Variants in NYAP2 observed in about 807,000 individuals in gnomAD.
The protein encoded by NYAP2 is neuronal tyrosine-phosphorylated phosphoinositide-3-kinase adapter 2.
In NYAP2, 23 loss-of-function variants were observed where a neutral mutation model predicts 50.4. The observed-to-expected ratio is 0.46, with a 90% CI of 0.33 to 0.65. The LOEUF (loss-of-function observed/expected upper bound fraction) is 0.65. Among genes scored for constraint, NYAP2 ranks in the 30% least tolerant of loss-of-function variants. NYAP2 has a pLI of 0.02. For synonymous variants in NYAP2, 394 were observed against 365.2 expected (o/e 1.08, Z -0.90); for missense variants, 885 against 861.0 (o/e 1.03, Z -0.35).
At chr2:225,411,048 T>G (rs887973932) in intron 3 of NYAP2, among the ~76,000 whole-genome samples, 1 of 152,138 alleles carries the variant, frequency 6.6e-6, no homozygotes, top group African/African-American at 2.4e-5. Flanking sequence ...TCCCACATGA[T>G]CTGGAGACAT....
chr2:225,644,284 G>A (rs1559238729), intron 6 of NYAP2, among the ~76,000 whole-genome samples: 1 of 152,068 alleles, frequency 6.6e-6, no homozygotes, highest in African/African-American at 2.4e-5. Flanking sequence ...TTTTTGATGG[G>A]GTTGTTTGTT....
chr2:225,520,767 G>A (rs1158967278), intron 4 of NYAP2, among the ~76,000 whole-genome samples: 1 of 152,080 alleles, frequency 6.6e-6, no homozygotes, highest in South Asian at 2.1e-4. Context: ...CTCTTTTTTG[G>A]TTCCATATGA....
At chr2:225,408,974 G>C in exon 3 of NYAP2, 2 of 1,612,248 alleles carry the variant, frequency 1.2e-6, no homozygotes, top group Non-Finnish European at 1.7e-6. Flanking sequence ...GAAGGCCTAT[G>C]ATGGCTTGGT....
chr2:225,611,689 A>G (rs1368756411), intron 5 of NYAP2, among the ~76,000 whole-genome samples: 1 of 151,940 alleles, frequency 6.6e-6, no homozygotes, highest in Non-Finnish European at 1.5e-5. Flanking sequence ...GAGTTCATGT[A>G]ATTATTTTCT....
intron 4 of NYAP2, 22 bp from the exon 5 acceptor site, chr2:225,581,919 A>G: frequency 1.3e-6 from 2 of 1,579,202 alleles, no homozygotes; most frequent in Non-Finnish European, 8.6e-7. Flanking sequence ...CATCTATTCC[A>G]CTACGTTTTT....
chr2:225,509,816 T>G (rs1256626260), intron 3 of NYAP2, among the ~76,000 whole-genome samples: 1 of 152,200 alleles, frequency 6.6e-6, no homozygotes, highest in Non-Finnish European at 1.5e-5. Flanking sequence ...TCTTAAGAGA[T>G]CTCAGTTGCA....
chr2:225,638,848 T>C (rs1693475227), intron 6 of NYAP2, among the ~76,000 whole-genome samples: 1 of 152,162 alleles, frequency 6.6e-6, no homozygotes, highest in African/African-American at 2.4e-5. Context: ...GGGGACCAAG[T>C]TGGGAACAGA....
chr2:225,452,415 C>T (rs1383373632), intron 3 of NYAP2, among the ~76,000 whole-genome samples: 1 of 152,150 alleles, frequency 6.6e-6, no homozygotes, highest in Non-Finnish European at 1.5e-5. Context: ...AAGCTAAACA[C>T]CTAAGGCAGA....
chr2:225,459,991 T>G (rs1343586809), intron 3 of NYAP2, among the ~76,000 whole-genome samples: 1 of 152,134 alleles, frequency 6.6e-6, no homozygotes, highest in African/African-American at 2.4e-5. Context: ...GTTTTGATGC[T>G]TTGGAAACTC....
At chr2:225,574,368 A>T (rs569210104) in intron 4 of NYAP2, among the ~76,000 whole-genome samples, 2 of 152,316 alleles carry the variant, frequency 1.3e-5, no homozygotes, top group South Asian at 4.1e-4. Flanking sequence ...ACTCATGTCC[A>T]GTTCTCCCTA....
At chr2:225,607,249 G>A (rs1692803674) in intron 5 of NYAP2, among the ~76,000 whole-genome samples, 2 of 152,034 alleles carry the variant, frequency 1.3e-5, no homozygotes, top group African/African-American at 4.8e-5. Flanking sequence ...GTACACAGAG[G>A]CAGAGAAAGT....
intron 5 of NYAP2, among the ~76,000 whole-genome samples, chr2:225,621,109 T>C (rs1693096765): frequency 1.1e-5 from 1 of 88,522 alleles, no homozygotes; most frequent in East Asian, 2.8e-4. Context: ...CGAGACTCCG[T>C]CTCAAAAAAA....
the NYAP2 span, among the ~76,000 whole-genome samples, chr2:225,680,896 G>T: frequency 2.0e-5 from 3 of 152,216 alleles, no homozygotes; most frequent in East Asian, 5.8e-4. Context: ...TATACTATTG[G>T]AAATTATTAT....
intron 5 of NYAP2, among the ~76,000 whole-genome samples, chr2:225,592,883 A>G (rs1472458956): frequency 6.6e-6 from 1 of 152,180 alleles, no homozygotes; most frequent in East Asian, 1.9e-4. Context: ...ATTAAGAAGA[A>G]CCCTACCTGC....
intron 3 of NYAP2, among the ~76,000 whole-genome samples, chr2:225,458,565 A>G (rs962087213): frequency 6.6e-6 from 1 of 152,178 alleles, no homozygotes; most frequent in Non-Finnish European, 1.5e-5. Flanking sequence ...TGCTGGGGAA[A>G]CAGAACTCTG....
At chr2:225,554,941 A>G (rs1277116131) in intron 4 of NYAP2, among the ~76,000 whole-genome samples, 2 of 152,206 alleles carry the variant, frequency 1.3e-5, no homozygotes, top group Admixed American at 1.3e-4. Context: ...ATAAAAAATA[A>G]CAGCTAATGA....
intron 4 of NYAP2, among the ~76,000 whole-genome samples, chr2:225,523,064 G>A (rs1237433243): frequency 6.6e-6 from 1 of 152,016 alleles, no homozygotes; most frequent in Admixed American, 6.6e-5. Flanking sequence ...GAACTTACAG[G>A]TTTCCCAGAT....
chr2:225,682,906 G>A, the NYAP2 span, among the ~76,000 whole-genome samples: 1 of 152,052 alleles, frequency 6.6e-6, no homozygotes, highest in Non-Finnish European at 1.5e-5. Context: ...AAGTTATGTA[G>A]ACTTAATACT....
chr2:225,474,978 A>T (rs1223084535), intron 3 of NYAP2, among the ~76,000 whole-genome samples: 1 of 152,206 alleles, frequency 6.6e-6, no homozygotes, highest in Non-Finnish European at 1.5e-5. Flanking sequence ...CTATAAAAGC[A>T]TCTGTATTTG....
Sources: gnomAD v4.1 joint callset for allele counts (sites outside exome capture counted in the v4.1 genomes callset) on GRCh38, gnomAD v4.1.1 for gene constraint, MANE v1.5 for transcripts, NCBI Gene and HGNC (gene_info 2026-07-23, HGNC 2026-07-21) for gene names.